The following SERPINB7 variants were observed in gnomAD, a reference collection of about 807,000 sequenced individuals.
The protein encoded by SERPINB7 is serpin family B member 7, also known as serpin B7.
Under a neutral mutation model 37.4 loss-of-function variants are expected in SERPINB7, and 31 were observed. That is an observed-to-expected ratio of 0.83 (90% CI 0.62 to 1.12). The LOEUF (loss-of-function observed/expected upper bound fraction) is 1.12, where lower values mean the gene tolerates loss of function less well. SERPINB7 is among the 50% of genes most tolerant of loss of function. SERPINB7 has a pLI of 0.00. For synonymous variants in SERPINB7, 163 were observed against 166.1 expected, an observed-to-expected ratio of 0.98 and a Z score of 0.14; for missense variants, 521 against 455.3, an observed-to-expected ratio of 1.14 and a Z score of -1.31.
At chr18:63,778,085 G>T (rs1568205264) in intron 1 of SERPINB7, 1 of 152,118 alleles carries the variant, frequency 6.6e-6, no homozygotes, top group Non-Finnish European at 1.5e-5. Context: ...AGAATGGCAT[G>T]GGAATCGGAT....
At chr18:63,761,926 C>A (rs1353558043) in intron 1 of SERPINB7, among the ~76,000 whole-genome samples, 1 of 152,194 alleles carries the variant, frequency 6.6e-6, no homozygotes, top group African/African-American at 2.4e-5. Flanking sequence ...CTGGGGCCAC[C>A]TCTCTGTCTT....
intron 2 of SERPINB7, among the ~76,000 whole-genome samples, chr18:63,785,913 ACATATATAATATACG>A (rs2049360693): frequency 1.7e-5 from 2 of 116,210 alleles, no homozygotes; most frequent in Non-Finnish European, 3.4e-5. Context: ...GTATATATAC[ACATATATAATATACG>A]TATATATACA....
At chr18:63,787,478 A>C (rs1056930744) in intron 2 of SERPINB7, among the ~76,000 whole-genome samples, 2 of 152,176 alleles carry the variant, frequency 1.3e-5, no homozygotes, top group Non-Finnish European at 2.9e-5. Flanking sequence ...TTATTCAAAA[A>C]GTTAAGGAGA....
At chr18:63,755,140 A>AT (rs1300044041) in intron 1 of SERPINB7, among the ~76,000 whole-genome samples, 2 of 151,334 alleles carry the variant, frequency 1.3e-5, no homozygotes, top group African/African-American at 4.9e-5. Context: ...TCCTGACCTC[A>AT]TGATCCACCC....
At chr18:63,785,661 G>A (rs922054622) in intron 2 of SERPINB7, among the ~76,000 whole-genome samples, 2 of 151,826 alleles carry the variant, frequency 1.3e-5, no homozygotes, top group Non-Finnish European at 2.9e-5. Flanking sequence ...GAGTGAAAGA[G>A]CTGGAAAAGC....
intron 7 of SERPINB7, among the ~76,000 whole-genome samples, chr18:63,803,851 G>A (rs2049575991): frequency 6.6e-6 from 1 of 152,160 alleles, no homozygotes; most frequent in Non-Finnish European, 1.5e-5. Flanking sequence ...CTTTCATGAT[G>A]AGGAGATGGC....
intron 2 of SERPINB7, among the ~76,000 whole-genome samples, chr18:63,786,421 A>G (rs2049373878): frequency 6.6e-6 from 1 of 151,694 alleles, no homozygotes; most frequent in Non-Finnish European, 1.5e-5. Context: ...ATTTTTCTAA[A>G]GTTATGTTTG....
In SERPINB7 at chr18:63,801,966, T is replaced by C. The variant is rs536304351; in HGVS notation, c.744+954T>C. The stretch of plus-strand genomic sequence containing the variant: ...CATAATCATGTGGTCTTTCATTAGT[T>C]TTACAAAGGTGGTTTAGTTTTGGGA... On this transcript the variant is annotated intron_variant, in intron 7 of 7. Transcript: ENST00000398019. Among the ~76,000 whole-genome samples, 10 of 152,308 alleles carry C rather than the reference T, an allele frequency of 6.6e-5. 1 individual carries two copies. In the South Asian group the frequency reaches 1.5e-3, roughly 22 times the overall value.
chr18:63,796,373 T>C lies in SERPINB7; in HGVS notation c.444T>C (p.Asn148=). 1.3e-6 allele frequency: 2 copies of C among 1,542,698 alleles called. No homozygotes were observed. The highest frequency in any genetic ancestry group is 1.8e-6 in the Non-Finnish European group (2 of 1,115,470). Residue 148 remains asparagine (N), a synonymous_variant, in exon 5 of 8, where the codon AAT becomes AAC. Coordinates refer to ENST00000398019, the MANE Select transcript of SERPINB7 (RefSeq NM_003784.4). ...TRRNINKWVE[N]ETHGKIKNVI... ...GTAATATTAATAAGTGGGTTGAAAA[T>C]GAAACACATGGTGAGTATTGAAATA...
intron 1 of SERPINB7, among the ~76,000 whole-genome samples, chr18:63,779,633 A>C (rs750088636): frequency 2.5e-4 from 38 of 149,794 alleles, no homozygotes; most frequent in Non-Finnish European, 5.2e-4. Context: ...CTCTGTCGTG[A>C]TTTTTTTTTT....
chr18:63,800,094 C>T (rs956031831), intron 6 of SERPINB7, among the ~76,000 whole-genome samples: 4 of 150,618 alleles, frequency 2.7e-5, no homozygotes, highest in African/African-American at 4.9e-5. Context: ...CTTAAGCTTG[C>T]TCAGGCTGGA....
intron 7 of SERPINB7, among the ~76,000 whole-genome samples, chr18:63,802,459 A>T (rs1353906924): frequency 6.6e-6 from 1 of 152,190 alleles, no homozygotes; most frequent in East Asian, 1.9e-4. Context: ...ACTACATCCC[A>T]GGCCATGTGC....
intron 1 of SERPINB7, among the ~76,000 whole-genome samples, chr18:63,757,909 A>G (rs1269706294): frequency 6.6e-6 from 1 of 152,222 alleles, no homozygotes; most frequent in South Asian, 2.1e-4. Context: ...TTGATTGCCT[A>G]TGAATCCCTA....
chr18:63,762,745 C>T (rs2049161174), intron 1 of SERPINB7, among the ~76,000 whole-genome samples: 3 of 152,134 alleles, frequency 2.0e-5, no homozygotes, highest in African/African-American at 7.2e-5. Context: ...TTTGACTTTC[C>T]ATGTACAAAT....
chr18:63,805,222 C>T lies in SERPINB7; in HGVS notation c.*587C>T, dbSNP rs537911702. On this transcript the variant is annotated 3_prime_UTR_variant, in exon 8 of 8. Transcript: ENST00000398019. ...ATGCTTTCAATTGACAAATTTTGGT[C>T]TTTCTTTGATAAGACAATATGTACA... 3 of 152,382 alleles carry T rather than the reference C, an allele frequency of 2.0e-5. No individual in the cohort carries two copies. The highest frequency in any genetic ancestry group is 6.5e-5 in the Admixed American group (1 of 15,282). 9.4% of individuals were successfully genotyped at this position (152,382 alleles called of 1,614,324 possible). A position where few individuals can be genotyped will look rare whatever the true frequency, so the allele number is the denominator to read the frequency against.
intron 6 of SERPINB7, among the ~76,000 whole-genome samples, chr18:63,800,519 C>T (rs2049536186): frequency 6.6e-6 from 1 of 152,006 alleles, no homozygotes; most frequent in Non-Finnish European, 1.5e-5. Context: ...GGCAATGTTC[C>T]AAGTGCTAGC....
At chr18:63,790,451 A>C (rs1320479543) in intron 2 of SERPINB7, among the ~76,000 whole-genome samples, 2 of 152,220 alleles carry the variant, frequency 1.3e-5, no homozygotes, top group African/African-American at 4.8e-5. Context: ...TATGAGAAAA[A>C]TCCTCTATCA....
Position 63,782,281 on chromosome 18 carries a change from A to G in SERPINB7, c.-18-74A>G, listed in dbSNP as rs1008185985. ...AAAATGAAGCTTTAAATTATAAAAAATAAATAAATCTAAAAATATAATATT... is the reference window on the plus strand; with the variant it reads ...AAAATGAAGCTTTAAATTATAAAAAGTAAATAAATCTAAAAATATAATATT... On this transcript the variant is annotated intron_variant, in intron 1 of 7. Transcript: ENST00000398019. 1.5e-5 allele frequency: 14 copies of G among 955,566 alleles called. No individual in the cohort carries two copies. The African/African-American group carries it at 2.4e-4, about 16-fold the overall frequency. The allele number at this position is 955,566 out of a possible 1,614,324, so 59.2% of individuals were successfully genotyped here. A position where few individuals can be genotyped will look rare whatever the true frequency, so the allele number is the denominator to read the frequency against.
At chr18:63,770,413 A>G (rs565234494) in intron 1 of SERPINB7, among the ~76,000 whole-genome samples, 1 of 151,846 alleles carries the variant, frequency 6.6e-6, no homozygotes, top group Non-Finnish European at 1.5e-5. Context: ...TAGTTACTCT[A>G]TGGCTTTTGT....
Sources: gnomAD v4.1 joint callset for allele counts (sites outside exome capture counted in the v4.1 genomes callset) on GRCh38, gnomAD v4.1.1 for gene constraint, MANE v1.5 for transcripts, NCBI Gene and HGNC (gene_info 2026-07-23, HGNC 2026-07-21) for gene names.